Variants in ZNF701 observed in about 807,000 individuals in gnomAD.
ZNF701 encodes the protein zinc finger protein 701.
A neutral mutation model predicts 7.1 loss-of-function variants in ZNF701; 6 were observed. That is an observed-to-expected ratio of 0.84 (90% CI 0.46 to 1.66). ZNF701 has a LOEUF of 1.66. Ranked by LOEUF, ZNF701 falls within the 40% of genes most tolerant of loss-of-function variation. The pLI is 0.01. For missense variants in ZNF701, 541 were observed against 559.2 expected, an observed-to-expected ratio of 0.97 and a Z score of 0.33; for synonymous variants, 166 against 188.2, an observed-to-expected ratio of 0.88 and a Z score of 0.97.
downstream of ZNF701, among the ~76,000 whole-genome samples, chr19:52,590,163 C>T (rs1236496775): frequency 1.3e-5 from 2 of 148,520 alleles, no homozygotes; most frequent in Non-Finnish European, 3.0e-5. Context: ...TACAGTGGGG[C>T]GATCTCAGCT....
At chr19:52,572,794 C>T (rs983876787) in intron 1 of ZNF701, 11 of 415,520 alleles carry the variant, frequency 2.6e-5, no homozygotes, top group Non-Finnish European at 4.3e-5. Flanking sequence ...TGTCCAGGCT[C>T]CTCCTGGGAA....
downstream of ZNF701, among the ~76,000 whole-genome samples, chr19:52,589,496 T>TTTAA (rs2060028291): frequency 6.6e-6 from 1 of 151,442 alleles, no homozygotes; most frequent in Non-Finnish European, 1.5e-5. Flanking sequence ...TTTTTTCTTT[T>TTTAA]AAGACGGAGT....
downstream of ZNF701, among the ~76,000 whole-genome samples, chr19:52,591,214 G>C (rs906374484): frequency 2.0e-5 from 3 of 151,922 alleles, no homozygotes; most frequent in Non-Finnish European, 2.9e-5. Flanking sequence ...GTCTCACTCT[G>C]TTGCCCAGGC....
rs1232370957 is a variant in ZNF701 at position 52,582,888 on chromosome 19, A to G, written c.829A>G (p.Lys277Glu). Residue 277 changes from lysine to glutamate, a missense_variant, in exon 4 of 4, where the codon AAG becomes GAG. By Grantham distance (56) the Lys-to-Glu change is moderately conservative. Transcript: ENST00000391785. ...TCCTTACACGTGTAATGAGTGTGGC[A>G]AGACATTCAGTCACAATTCAGCCCT... Reference protein sequence around the residue: ...ENPYTCNECGKTFSHNSALLV... With the variant: ...ENPYTCNECGETFSHNSALLV... The G allele has an allele frequency of 8.7e-6, 14 of 1,613,232 alleles. No homozygotes were observed. Among genetic ancestry groups the G allele is most frequent in the Non-Finnish European group, 1.2e-5 (14 of 1,179,348 alleles).
At chr19:52,595,808 C>T in the ZNF701 span, 2 of 1,607,064 alleles carry the variant, frequency 1.2e-6, no homozygotes, top group Non-Finnish European at 1.7e-6. Flanking sequence ...CCATGAAGCA[C>T]CCATGACAGA....
the ZNF701 span, among the ~76,000 whole-genome samples, chr19:52,592,552 C>G: frequency 6.6e-6 from 1 of 152,218 alleles, no homozygotes; most frequent in East Asian, 1.9e-4. Flanking sequence ...AAGCATCACA[C>G]TGACTGACAA....
At chr19:52,597,990 G>A in the ZNF701 span, 1 of 152,876 alleles carries the variant, frequency 6.5e-6, no homozygotes, top group East Asian at 1.9e-4. Flanking sequence ...TGTCGCCCAG[G>A]CTGGAGGGCA....
At chr19:52,579,520 CAAAAAAAA>C (rs34682718) in intron 3 of ZNF701, among the ~76,000 whole-genome samples, 1,652 of 60,198 alleles carry the variant, frequency 0.027, 292 homozygotes, top group African/African-American at 0.17. Flanking sequence ...AACTCTGTCT[CAAAAAAAA>C]AAAAAAAAAA....
chr19:52,582,111 T>C, intron 3 of ZNF701, 91 bp from the exon 4 acceptor site: 4 of 1,166,114 alleles, frequency 3.4e-6, no homozygotes, highest in Non-Finnish European at 4.7e-6. Flanking sequence ...AAGTTTAAAA[T>C]AAGTATTGTT....
Position 52,582,391 on chromosome 19 carries a change from C to T in ZNF701, c.332C>T (p.Ala111Val). 1 of 1,613,392 alleles carries T rather than the reference C, an allele frequency of 6.2e-7. No individual in the cohort carries two copies. The highest frequency in any genetic ancestry group is 8.5e-7 in the Non-Finnish European group (1 of 1,179,680). ...GAAAATGAAACAAATGGCCATGAAG[C>T]ACTCATGACAAAAACCAAAAAGTTG... is the stretch of plus-strand genomic sequence containing the variant. The part of the protein sequence containing the change: ...WQENETNGHE[A>V]LMTKTKKLMS... Residue 111 changes from alanine to valine, a missense_variant, in exon 4 of 4, where the codon GCA (alanine) becomes GTA (valine). Coordinates refer to ENST00000391785, the MANE Select transcript of ZNF701 (RefSeq NM_018260.3).
intron 2 of ZNF701, among the ~76,000 whole-genome samples, chr19:52,575,407 G>T (rs1330678802): frequency 6.6e-6 from 1 of 151,820 alleles, no homozygotes; most frequent in Non-Finnish European, 1.5e-5. Context: ...ACAACACTTT[G>T]TATTAACGTG....
the ZNF701 span, among the ~76,000 whole-genome samples, chr19:52,598,434 G>T: frequency 2.6e-5 from 4 of 152,104 alleles, no homozygotes; most frequent in Admixed American, 1.3e-4. Context: ...GTGGGGGAGA[G>T]GGGCAGGGAC....
rs183612297 is a variant in ZNF701 at position 52,571,846 on chromosome 19, G to A, written c.-72+1516G>A. ...CCCTTTTTGGTTTTTTTTTTGAGAC[G>A]GAGTTTCGCTCTTGTTGCCCGTGCT... On this transcript the variant is annotated intron_variant, in intron 1 of 3. Coordinates refer to ENST00000391785, the MANE Select transcript of ZNF701 (RefSeq NM_018260.3). Among the ~76,000 whole-genome samples, 33 of 151,402 alleles carry A rather than the reference G, an allele frequency of 2.2e-4. No homozygotes were observed. The East Asian group carries it at 4.3e-3, about 20-fold the overall frequency.
At chr19:52,574,225 T>C (rs980086112) in intron 2 of ZNF701, 63 bp downstream of exon 2, 11 of 1,592,232 alleles carry the variant, frequency 6.9e-6, no homozygotes, top group African/African-American at 1.3e-5. Flanking sequence ...GATCTTGGAG[T>C]TGGGAATCTT....
In ZNF701 at chr19:52,583,703, G is replaced by C; in HGVS notation, c.*246G>C. 6.1e-6 allele frequency: 5 copies of C among 824,162 alleles called. No individual in the cohort carries two copies. The highest frequency in any genetic ancestry group is 6.3e-6 in the Non-Finnish European group (3 of 476,568). The allele number at this position is 824,162 out of a possible 1,614,324, so 51.1% of individuals were successfully genotyped here. The stretch of plus-strand genomic sequence containing the variant: ...CTGGAATTCACACTGGAAAGGAACT[G>C]TACAAGTGTAATGAGTGTGGCAGAG... On this transcript the variant is annotated 3_prime_UTR_variant, in exon 4 of 4. Coordinates refer to ENST00000391785, the MANE Select transcript of ZNF701 (RefSeq NM_018260.3).
Position 52,583,503 on chromosome 19 carries a change from G to A in ZNF701, c.*46G>A. ...TTTAGGCAACAGTCAAACCTTGCAT[G>A]TCATCATAGACTTTATACTGGAGAG... is the stretch of plus-strand genomic sequence containing the variant. On this transcript the variant is annotated 3_prime_UTR_variant, in exon 4 of 4. Coordinates refer to ENST00000391785, the MANE Select transcript of ZNF701 (RefSeq NM_018260.3). The A allele has an allele frequency of 6.2e-7, 1 of 1,606,960 alleles. No homozygotes were observed. Among genetic ancestry groups the A allele is most frequent in the Non-Finnish European group, 8.5e-7 (1 of 1,175,468 alleles).
At position 52,585,119 on chromosome 19, in the gene ZNF701, C is replaced by A. The variant is rs2060001203; in HGVS notation, c.*1662C>A. 1 of 152,246 alleles carries A rather than the reference C, an allele frequency of 6.6e-6. No homozygotes were observed. The highest frequency in any genetic ancestry group is 1.5e-5 in the Non-Finnish European group (1 of 68,070). 9.4% of individuals were successfully genotyped at this position (152,246 alleles called of 1,614,324 possible). On this transcript the variant is annotated 3_prime_UTR_variant, in exon 4 of 4. Coordinates refer to ENST00000391785, the MANE Select transcript of ZNF701 (RefSeq NM_018260.3). ...AGTCTTTTCCTTTTGAGTTTAAAGT[C>A]GCCCTGAGGCTGGTCCCGTCCCGGT...
chr19:52,575,967 A>G lies in ZNF701; in HGVS notation c.88A>G (p.Arg30Gly). ...GTGGAAATGCCTGGACCCTGCTCAGAGGACTCTATACAGAGACGTGATGCT... is the reference window on the plus strand; with the variant it reads ...GTGGAAATGCCTGGACCCTGCTCAGGGGACTCTATACAGAGACGTGATGCT... ...EEWKCLDPAQ[R>G]TLYRDVMLEN... is the part of the protein sequence containing the mutation. Residue 30 changes from arginine to glycine, a missense_variant, in exon 3 of 4, where the codon AGG becomes GGG. Arg to Gly is a moderately radical substitution (Grantham distance 125). Coordinates refer to ENST00000391785, the MANE Select transcript of ZNF701 (RefSeq NM_018260.3). 1 of 1,583,210 alleles carries G rather than the reference A, an allele frequency of 6.3e-7. No homozygotes were observed. The highest frequency in any genetic ancestry group is 8.6e-7 in the Non-Finnish European group (1 of 1,169,398).
intron 1 of ZNF701, among the ~76,000 whole-genome samples, chr19:52,572,887 G>A (rs1437219300): frequency 6.6e-6 from 1 of 152,088 alleles, no homozygotes; most frequent in Non-Finnish European, 1.5e-5. Context: ...TCCCGTCTCA[G>A]GTCATTTTCA....
Sources: gnomAD v4.1 joint callset for allele counts (sites outside exome capture counted in the v4.1 genomes callset) on GRCh38, gnomAD v4.1.1 for gene constraint, MANE v1.5 for transcripts, NCBI Gene and HGNC (gene_info 2026-07-23, HGNC 2026-07-21) for gene names.